The following PCDH7 variants were observed in gnomAD, a reference collection of about 807,000 sequenced individuals.
The protein encoded by PCDH7 is protocadherin-7.
A neutral mutation model predicts 58.9 loss-of-function variants in PCDH7; 17 were observed. The ratio of observed to expected loss-of-function variants is 0.29; its 90% CI spans 0.20 to 0.43. The LOEUF (loss-of-function observed/expected upper bound fraction) is 0.43, where lower values mean the gene tolerates loss of function less well. Ranked by LOEUF, PCDH7 falls within the 20% of genes least tolerant of loss-of-function variation. The pLI is 1.00. For synonymous variants in PCDH7, 664 were observed against 616.4 expected, an observed-to-expected ratio of 1.08 and a Z score of -1.14; for missense variants, 1,274 against 1,441.0, an observed-to-expected ratio of 0.88 and a Z score of 1.88.
intron 3 of PCDH7, among the ~76,000 whole-genome samples, chr4:31,036,917 G>T (rs1274306892): frequency 6.6e-6 from 1 of 152,082 alleles, no homozygotes; most frequent in Non-Finnish European, 1.5e-5. Context: ...AACTTGTGCT[G>T]GGAAACTCCC....
intron 3 of PCDH7, among the ~76,000 whole-genome samples, chr4:31,031,010 A>G (rs931391849): frequency 3.9e-5 from 6 of 152,164 alleles, no homozygotes; most frequent in Non-Finnish European, 7.3e-5. Flanking sequence ...TTTCCTTTCT[A>G]GTGATGTAGG....
chr4:30,809,658 G>C (rs1454870876), intron 1 of PCDH7, among the ~76,000 whole-genome samples: 1 of 152,146 alleles, frequency 6.6e-6, no homozygotes, highest in Non-Finnish European at 1.5e-5. Context: ...ACTTGCTCCA[G>C]CCCTACGTCA....
intron 3 of PCDH7, among the ~76,000 whole-genome samples, chr4:31,140,683 T>C (rs371497883): frequency 6.6e-6 from 1 of 151,636 alleles, no homozygotes; most frequent in Non-Finnish European, 1.5e-5. Flanking sequence ...AGTTTGTTCA[T>C]TTAAACCAAC....
At position 31,136,951 on chromosome 4, in the gene PCDH7, C is replaced by T. The variant is rs184475444; in HGVS notation, c.*8-5522C>T. Among the ~76,000 whole-genome samples, 138 of 152,094 alleles carry T rather than the reference C, an allele frequency of 9.1e-4. 1 individual carries two copies. Among genetic ancestry groups the T allele is most frequent in the African/African-American group, 3.2e-3 (134 of 41,484 alleles). On this transcript the variant is annotated intron_variant, in intron 3 of 3. Coordinates refer to the PCDH7 transcript ENST00000509759. ...CCCTATCATATAAAATAAAAGTAAACAATTTTCTAACAGGTATTTTAAAAT... is the reference window on the plus strand; with the variant it reads ...CCCTATCATATAAAATAAAAGTAAATAATTTTCTAACAGGTATTTTAAAAT...
chr4:30,839,605 A>G (rs1730957983), intron 1 of PCDH7, among the ~76,000 whole-genome samples: 2 of 152,088 alleles, frequency 1.3e-5, no homozygotes, highest in African/African-American at 2.4e-5. Context: ...AAGTCACTCT[A>G]TGTCATTAGG....
chr4:31,042,400 C>G (rs377360063), intron 3 of PCDH7, among the ~76,000 whole-genome samples: 1 of 152,030 alleles, frequency 6.6e-6, no homozygotes, highest in African/African-American at 2.4e-5. Context: ...CTGTTAATTA[C>G]ATTGACATGG....
At chr4:31,125,368 C>T (rs1321023956) in intron 3 of PCDH7, among the ~76,000 whole-genome samples, 1 of 152,214 alleles carries the variant, frequency 6.6e-6, no homozygotes, top group East Asian at 1.9e-4. Context: ...GTAGTTACCA[C>T]TATATCTGAC....
At chr4:31,123,289 A>C (rs1717904851) in intron 3 of PCDH7, among the ~76,000 whole-genome samples, 1 of 152,140 alleles carries the variant, frequency 6.6e-6, no homozygotes, top group South Asian at 2.1e-4. Context: ...ATTAAGAATC[A>C]ATATTCGATA....
chr4:30,888,277 A>AACACACAC (rs58655197), intron 1 of PCDH7, among the ~76,000 whole-genome samples: 2 of 151,736 alleles, frequency 1.3e-5, no homozygotes, highest in Non-Finnish European at 2.9e-5. Context: ...AGTCTTATGA[A>AACACACAC]ACACACACAC....
downstream of PCDH7, chr4:31,143,013 G>A (rs1578912071): frequency 2.5e-6 from 1 of 393,886 alleles, no homozygotes; most frequent in East Asian, 7.1e-5. Context: ...GATACTGTTA[G>A]CCTGATTCTA....
chr4:30,846,882 G>A (rs1407341872), intron 1 of PCDH7, among the ~76,000 whole-genome samples: 1 of 152,048 alleles, frequency 6.6e-6, no homozygotes. Context: ...TCAGCATTTT[G>A]GAAGGCCGAG....
intron 3 of PCDH7, among the ~76,000 whole-genome samples, chr4:31,051,194 C>A (rs1183001964): frequency 6.6e-6 from 1 of 152,094 alleles, no homozygotes; most frequent in East Asian, 1.9e-4. Flanking sequence ...CATCACAGCC[C>A]CACCTTACAA....
At chr4:30,816,863 TG>T (rs1727743356) in intron 1 of PCDH7, among the ~76,000 whole-genome samples, 1 of 152,176 alleles carries the variant, frequency 6.6e-6, no homozygotes, top group Non-Finnish European at 1.5e-5. Context: ...ATTTACTCTT[TG>T]GTCTTGATAT....
chr4:31,025,288 G>T (rs1054540018), intron 3 of PCDH7, among the ~76,000 whole-genome samples: 2 of 152,120 alleles, frequency 1.3e-5, no homozygotes, highest in African/African-American at 4.8e-5. Context: ...CATAGCATCT[G>T]CCCTTTCATT....
chr4:30,724,020 T>G (rs762698048), exon 1 of PCDH7: 14 of 1,614,050 alleles, frequency 8.7e-6, no homozygotes, highest in Non-Finnish European at 1.2e-5. Flanking sequence ...AGGATATAGC[T>G]GGTGACCCAA....
At chr4:31,074,666 CCCAG>C (rs1014680073) in intron 3 of PCDH7, among the ~76,000 whole-genome samples, 3 of 151,340 alleles carry the variant, frequency 2.0e-5, no homozygotes, top group African/African-American at 7.3e-5. Flanking sequence ...TGCTTGTATT[CCCAG>C]CCACTCAGGA....
At chr4:31,120,398 TCCTTTCAGTCTTG>T in intron 3 of PCDH7, among the ~76,000 whole-genome samples, 1 of 150,840 alleles carries the variant, frequency 6.6e-6, no homozygotes. Flanking sequence ...ATTTTTTTTT[TCCTTTCAGTCTTG>T]TCTTTCGTTG....
At chr4:31,125,807 C>T (rs561919863) in intron 3 of PCDH7, among the ~76,000 whole-genome samples, 2 of 152,332 alleles carry the variant, frequency 1.3e-5, no homozygotes, top group South Asian at 4.1e-4. Flanking sequence ...CTATGATATT[C>T]AGTAGGTTAG....
At chr4:31,073,339 T>A (rs951213653) in intron 3 of PCDH7, among the ~76,000 whole-genome samples, 5 of 152,212 alleles carry the variant, frequency 3.3e-5, no homozygotes, top group African/African-American at 1.2e-4. Flanking sequence ...CCCACTGATA[T>A]TTAATATCTT....
Sources: gnomAD v4.1 joint callset for allele counts (sites outside exome capture counted in the v4.1 genomes callset) on GRCh38, gnomAD v4.1.1 for gene constraint, MANE v1.5 for transcripts, NCBI Gene and HGNC (gene_info 2026-07-23, HGNC 2026-07-21) for gene names.